NRXN1: variants seen among roughly 807,000 people sequenced by gnomAD.
NRXN1 encodes neurexin 1.
Under a neutral mutation model 150.9 loss-of-function variants are expected in NRXN1, and 39 were observed. The observed-to-expected ratio is 0.26, with a 90% CI of 0.20 to 0.34. NRXN1 has a LOEUF of 0.34. NRXN1 is among the 10% of genes least tolerant of loss of function. NRXN1 has a pLI of 1.00. For synonymous variants in NRXN1, 924 were observed against 757.0 expected (o/e 1.22, Z -3.62); for missense variants, 1,815 against 1,949.9 (o/e 0.93, Z 1.30).
At chr2:50,626,268 TA>T (rs34976011) in intron 5 of NRXN1, among the ~76,000 whole-genome samples, 1 of 150,780 alleles carries the variant, frequency 6.6e-6, no homozygotes, top group East Asian at 2.0e-4. Flanking sequence ...TCAAAAAATT[TA>T]AAAAAACAGG....
Position 50,497,313 on chromosome 2 carries a change from T to A in NRXN1, c.2879+20A>T. The A allele has an allele frequency of 6.9e-7, 1 of 1,442,592 alleles. No individual in the cohort carries two copies. The highest frequency in any genetic ancestry group is 1.9e-4 in the Middle Eastern group (1 of 5,280). The allele number at this position is 1,442,592 out of a possible 1,614,324, so 89.4% of individuals were successfully genotyped here. A position where few individuals can be genotyped will look rare whatever the true frequency, so the allele number is the denominator to read the frequency against. On this transcript the variant is annotated intron_variant, in intron 14 of 22. Coordinates refer to ENST00000401669, the MANE Select transcript of NRXN1 (RefSeq NM_001330078.2). ...TTTCCAAAGTTTTATTTATTTGCTA[T>A]TGAACAGGCATGTACTCACCCTTTA...
chr2:50,347,315 G>A lies in NRXN1; in HGVS notation c.3365-110345C>T, dbSNP rs200407353. 7.9e-7 allele frequency: 1 copy of A among 1,259,322 alleles called. No individual in the cohort carries two copies. Among genetic ancestry groups the A allele is most frequent in the South Asian group, 1.3e-5 (1 of 74,772 alleles). 78.0% of individuals were successfully genotyped at this position (1,259,322 alleles called of 1,614,324 possible). A position where few individuals can be genotyped will look rare whatever the true frequency, so the allele number is the denominator to read the frequency against. On this transcript the variant is annotated intron_variant, in intron 17 of 22. Coordinates refer to ENST00000401669, the MANE Select transcript of NRXN1 (RefSeq NM_001330078.2). This position sits in a 1 kb window ranked among gnomAD's most constrained non-coding sequence, Gnocchi z 4.9. ...GCGAGAGTGCGTGCCGGCGGGTGGG[G>A]GGCCGAGAAATTGTTTAAAGCTCCT...
chr2:50,943,667 T>A (rs1230075827), intron 2 of NRXN1, among the ~76,000 whole-genome samples: 1 of 152,090 alleles, frequency 6.6e-6, no homozygotes, highest in Non-Finnish European at 1.5e-5. Flanking sequence ...ATCATCCCAA[T>A]AAGAATTCCT....
intron 5 of NRXN1, among the ~76,000 whole-genome samples, chr2:50,873,545 G>C (rs957452821): frequency 2.0e-5 from 3 of 151,780 alleles, no homozygotes; most frequent in Non-Finnish European, 4.4e-5. Flanking sequence ...AGAGTACTTA[G>C]GTTCTGAGTT....
chr2:50,351,920 A>C (rs941574321), intron 17 of NRXN1, among the ~76,000 whole-genome samples: 1 of 152,146 alleles, frequency 6.6e-6, no homozygotes, highest in African/African-American at 2.4e-5. Context: ...ATAGGCTACA[A>C]AATTTTGTGC....
At chr2:50,523,426 G>A (rs940312667) in intron 12 of NRXN1, among the ~76,000 whole-genome samples, 2 of 152,100 alleles carry the variant, frequency 1.3e-5, no homozygotes, top group East Asian at 1.9e-4. Flanking sequence ...CTGCTCTCAG[G>A]CATCAAGCAG....
At chr2:50,230,030 A>C (rs1022480142) in intron 18 of NRXN1, among the ~76,000 whole-genome samples, 5 of 152,056 alleles carry the variant, frequency 3.3e-5, no homozygotes, top group Non-Finnish European at 7.4e-5. Flanking sequence ...AGTAGTGATC[A>C]CAGGATGGAG....
At position 50,603,607 on chromosome 2, in the gene NRXN1, G is replaced by T. The variant is rs141610835; in HGVS notation, c.1320+16415C>A. Among the ~76,000 whole-genome samples, 10 of 152,158 alleles carry T rather than the reference G, an allele frequency of 6.6e-5. No homozygotes were observed. The East Asian group carries it at 1.9e-3, about 29-fold the overall frequency. On this transcript the variant is annotated intron_variant, in intron 8 of 22. Coordinates refer to ENST00000401669, the MANE Select transcript of NRXN1 (RefSeq NM_001330078.2). ...TCTCTTACCTTTTTGGAATAACTAAGGTCACTTAGTGTGATATGCTGGGAC... is the reference window on the plus strand; with the variant it reads ...TCTCTTACCTTTTTGGAATAACTAATGTCACTTAGTGTGATATGCTGGGAC...
At chr2:50,940,619 G>A (rs1294449529) in intron 2 of NRXN1, among the ~76,000 whole-genome samples, 1 of 152,094 alleles carries the variant, frequency 6.6e-6, no homozygotes, top group Non-Finnish European at 1.5e-5. Flanking sequence ...GCAGACTTCA[G>A]ATAACAAACA....
intron 18 of NRXN1, among the ~76,000 whole-genome samples, chr2:50,206,868 C>A (rs2062621152): frequency 6.7e-6 from 1 of 149,258 alleles, no homozygotes; most frequent in Non-Finnish European, 1.5e-5. Context: ...TACACACACA[C>A]ACAGAAATGG....
At chr2:50,491,776 TC>T (rs1005065783) in intron 15 of NRXN1, among the ~76,000 whole-genome samples, 1 of 152,136 alleles carries the variant, frequency 6.6e-6, no homozygotes, top group East Asian at 1.9e-4. Context: ...TCTTTAATTT[TC>T]CCCCTATCAA....
intron 2 of NRXN1, among the ~76,000 whole-genome samples, chr2:50,983,329 T>C (rs1232012653): frequency 5.3e-5 from 8 of 152,118 alleles, no homozygotes; most frequent in African/African-American, 1.7e-4. Context: ...ATTTATTTCC[T>C]TTTCTAAGGC....
Position 50,552,698 on chromosome 2 carries a change from G to A in NRXN1, c.1648C>T (p.Leu550Phe), listed in dbSNP as rs1295091945. The A allele has an allele frequency of 6.2e-7, 1 of 1,613,796 alleles. No homozygotes were observed. Among genetic ancestry groups the A allele is most frequent in the East Asian group, 2.2e-5 (1 of 44,888 alleles). Reference sequence around the variant, plus strand: ...GACCCCATGTCCAGGAGGAGGTAGAGGTGGCCATCTAGCATCTCAATAGCA... The same window carrying A: ...GACCCCATGTCCAGGAGGAGGTAGAAGTGGCCATCTAGCATCTCAATAGCA... ...FFAIEMLDGH[L>F]YLLLDMGSGT... The change falls in exon 9 of 23, where the codon CTC becomes TTC. Residue 550 changes from leucine (L) to phenylalanine (F), a missense_variant. Leu to Phe is a conservative substitution (Grantham distance 22). This residue lies in a region of NRXN1 where 638 missense variants were observed against 652.6 expected (regional missense o/e 0.98). Coordinates refer to ENST00000401669, the MANE Select transcript of NRXN1 (RefSeq NM_001330078.2).
chr2:50,211,601 T>C (rs1197338453), intron 18 of NRXN1, among the ~76,000 whole-genome samples: 1 of 151,614 alleles, frequency 6.6e-6, no homozygotes, highest in Non-Finnish European at 1.5e-5. Context: ...TACTGGAGTC[T>C]ATAAAGCATT....
chr2:50,472,379 A>G lies in NRXN1; in HGVS notation c.3163T>C (p.Ser1055Pro). The change falls in exon 16 of 23, where the codon TCA (serine) becomes CCA (proline). Residue 1055 changes from serine (S) to proline (P), a missense_variant. Physicochemically the swap from Ser to Pro is moderately conservative, Grantham distance 74. Around this residue, in one of 6 missense-constraint regions of NRXN1, gnomAD observed 339 missense variants for 440.3 expected, o/e 0.77. Transcript: ENST00000401669. ...AKEGFQGCLA[S>P]VDLNGRLPDL... ...GGAAGCCGTCCATTTAAATCAACTG[A>G]TGCCAGGCAGCCTTGAAAGCCTTCT... 6.2e-7 allele frequency: 1 copy of G among 1,612,256 alleles called. No individual in the cohort carries two copies. Among genetic ancestry groups the G allele is most frequent in the Non-Finnish European group, 8.5e-7 (1 of 1,178,872 alleles).
At chr2:50,254,161 G>C (rs1434927424) in intron 17 of NRXN1, among the ~76,000 whole-genome samples, 1 of 151,894 alleles carries the variant, frequency 6.6e-6, no homozygotes. Flanking sequence ...ATGTGTCCAG[G>C]AATTTATCCA....
At chr2:50,991,735 G>C (rs1698573654) in intron 2 of NRXN1, among the ~76,000 whole-genome samples, 1 of 151,862 alleles carries the variant, frequency 6.6e-6, no homozygotes, top group South Asian at 2.1e-4. Flanking sequence ...CTAATATCTT[G>C]GGAACGCGAT....
In NRXN1 at chr2:50,558,030, G is replaced by C. The variant is rs144852506; in HGVS notation, c.1321-5005C>G. Reference sequence around the variant, plus strand: ...TATTTTCACCCATGAAAGGGTTTCTGTGGTATCTAACAACAGCGGCTACCA... The same window carrying C: ...TATTTTCACCCATGAAAGGGTTTCTCTGGTATCTAACAACAGCGGCTACCA... On this transcript the variant is annotated intron_variant, in intron 8 of 22. Transcript: ENST00000401669. Among the ~76,000 whole-genome samples the C allele has an allele frequency of 6.5e-3, 996 of 152,278 alleles. 4 individuals are homozygous for C. The highest frequency in any genetic ancestry group is 0.022 in the African/African-American group (921 of 41,544).
intron 17 of NRXN1, among the ~76,000 whole-genome samples, chr2:50,447,441 C>T (rs1289788216): frequency 1.6e-5 from 2 of 128,774 alleles, no homozygotes; most frequent in Non-Finnish European, 3.1e-5. Context: ...GATTGTGACA[C>T]TGCTCTCCAG....
Sources: gnomAD v4.1 joint callset for allele counts (sites outside exome capture counted in the v4.1 genomes callset) on GRCh38, gnomAD v4.1.1 for gene constraint, gnomAD v4.1.1 regional missense constraint, Gnocchi (gnomAD v3.1) non-coding constraint, MANE v1.5 for transcripts, NCBI Gene and HGNC (gene_info 2026-07-23, HGNC 2026-07-21) for gene names.